Variants in THSD4 observed in about 807,000 individuals in gnomAD.
THSD4 encodes the protein thrombospondin type 1 domain containing 4.
Under a neutral mutation model 119.0 loss-of-function variants are expected in THSD4, and 69 were observed. The ratio of observed to expected loss-of-function variants is 0.58; its 90% CI spans 0.48 to 0.71. THSD4 has a LOEUF of 0.71. THSD4 is among the 30% of genes least tolerant of loss of function. THSD4 has a pLI of 0.00. For missense variants in THSD4, 1,393 were observed against 1,391.1 expected (o/e 1.00, Z -0.02); for synonymous variants, 524 against 540.4 (o/e 0.97, Z 0.42).
chr15:71,470,019 G>C (rs546640220), intron 7 of THSD4, among the ~76,000 whole-genome samples: 2 of 152,318 alleles, frequency 1.3e-5, no homozygotes, highest in Non-Finnish European at 2.9e-5. Context: ...TATGGAGGTA[G>C]AGATGAAGGC....
At chr15:71,402,642 A>AG (rs2046552493) in intron 6 of THSD4, among the ~76,000 whole-genome samples, 1 of 152,200 alleles carries the variant, frequency 6.6e-6, no homozygotes, top group African/African-American at 2.4e-5. Flanking sequence ...TTTGTACCAG[A>AG]GGACCAGTTG....
chr15:71,128,412 A>C (rs1478171569), intron 1 of THSD4, among the ~76,000 whole-genome samples: 2 of 151,916 alleles, frequency 1.3e-5, no homozygotes, highest in Non-Finnish European at 2.9e-5. Context: ...CTGTAATCCC[A>C]GCTACTTGGA....
At chr15:71,132,207 A>G (rs2040510109) in intron 1 of THSD4, among the ~76,000 whole-genome samples, 1 of 152,214 alleles carries the variant, frequency 6.6e-6, no homozygotes, top group African/African-American at 2.4e-5. Context: ...TTTTGGCTTA[A>G]TGATTTCATT....
intron 3 of THSD4, among the ~76,000 whole-genome samples, chr15:71,189,991 T>G (rs1018533589): frequency 2.0e-5 from 3 of 152,326 alleles, no homozygotes; most frequent in South Asian, 4.1e-4. Context: ...GGACTCTGCA[T>G]GCTCAGATGG....
intron 14 of THSD4, among the ~76,000 whole-genome samples, chr15:71,752,891 G>A (rs181998177): frequency 6.7e-4 from 102 of 152,280 alleles, no homozygotes; most frequent in African/African-American, 2.4e-3. Flanking sequence ...TTGAATAGTT[G>A]CTTTGTGTAG....
At chr15:71,408,223 A>G (rs149893003) in intron 6 of THSD4, among the ~76,000 whole-genome samples, 2 of 152,062 alleles carry the variant, frequency 1.3e-5, no homozygotes, top group African/African-American at 4.8e-5. Flanking sequence ...GAAACCCTTC[A>G]AAGGTTGTTG....
chr15:71,700,422 G>T (rs2052261807), intron 8 of THSD4, among the ~76,000 whole-genome samples: 2 of 151,954 alleles, frequency 1.3e-5, no homozygotes, highest in Admixed American at 1.3e-4. Flanking sequence ...TTTACTAAAG[G>T]GCATAAAATT....
At chr15:71,422,008 G>C (rs375830292) in intron 7 of THSD4, among the ~76,000 whole-genome samples, 1 of 152,082 alleles carries the variant, frequency 6.6e-6, no homozygotes, top group Non-Finnish European at 1.5e-5. Context: ...TAGAAATTCT[G>C]CTTGATTCTT....
chr15:71,544,449 A>G (rs1471781829), intron 7 of THSD4, among the ~76,000 whole-genome samples: 4 of 152,240 alleles, frequency 2.6e-5, no homozygotes, highest in Non-Finnish European at 4.4e-5. Flanking sequence ...TGGTTCAAAC[A>G]GGAGGACATA....
At chr15:71,701,483 T>C (rs1432094952) in intron 8 of THSD4, among the ~76,000 whole-genome samples, 1 of 152,200 alleles carries the variant, frequency 6.6e-6, no homozygotes, top group African/African-American at 2.4e-5. Flanking sequence ...CAAAGACCTT[T>C]ATAAGAATGT....
intron 1 of THSD4, among the ~76,000 whole-genome samples, chr15:71,138,867 T>A (rs752647389): frequency 6.0e-5 from 9 of 150,302 alleles, no homozygotes; most frequent in Non-Finnish European, 8.8e-5. Context: ...TCTTGGTGTG[T>A]GTGTGTGTGA....
chr15:71,528,155 C>A (rs957220418), intron 7 of THSD4, among the ~76,000 whole-genome samples: 1 of 152,118 alleles, frequency 6.6e-6, no homozygotes, highest in East Asian at 1.9e-4. Context: ...TATTGAAAAC[C>A]ACAAAAGTTG....
rs564057010 is a variant in THSD4, at chr15:71,297,134, A to T, written c.1015+40419A>T. ...CATTTCCTTCACATCCTTGTTATTT[A>T]TTTTTTTTTAATTATATCCATCCTA... On this transcript the variant is annotated intron_variant, in intron 6 of 17. Coordinates refer to ENST00000261862, the MANE Select transcript of THSD4 (RefSeq NM_024817.3). Among the ~76,000 whole-genome samples, 79 of 150,684 alleles carry T rather than the reference A, an allele frequency of 5.2e-4. 1 individual carries two copies. In the East Asian group the frequency reaches 8.4e-3, roughly 16 times the overall value.
At chr15:71,540,515 A>G (rs1180544340) in intron 7 of THSD4, among the ~76,000 whole-genome samples, 4 of 136,344 alleles carry the variant, frequency 2.9e-5, no homozygotes, top group East Asian at 2.2e-4. Context: ...TGCAACCTCT[A>G]ACTCCTGGGT....
chr15:71,703,974 C>G (rs960802094), intron 8 of THSD4, among the ~76,000 whole-genome samples: 15 of 152,198 alleles, frequency 9.9e-5, no homozygotes, highest in African/African-American at 3.6e-4. Flanking sequence ...CTCAGCCTCC[C>G]GAGTAGCTGG....
chr15:71,512,140 A>G (rs2048292601), intron 7 of THSD4, among the ~76,000 whole-genome samples: 1 of 152,164 alleles, frequency 6.6e-6, no homozygotes, highest in Non-Finnish European at 1.5e-5. Flanking sequence ...CACATGGCAA[A>G]TTCTATGCCT....
upstream of THSD4, among the ~76,000 whole-genome samples, chr15:71,114,730 A>G (rs1039300024): frequency 1.3e-5 from 2 of 152,228 alleles, no homozygotes; most frequent in African/African-American, 2.4e-5. Context: ...ACTAATGAGA[A>G]GAATTATTAT....
chr15:71,385,030 A>G (rs1456695560), intron 6 of THSD4, among the ~76,000 whole-genome samples: 1 of 152,214 alleles, frequency 6.6e-6, no homozygotes, highest in Non-Finnish European at 1.5e-5. Flanking sequence ...CACCCCCTTC[A>G]GTAATTGCCA....
intron 3 of THSD4, among the ~76,000 whole-genome samples, chr15:71,193,306 C>T (rs1314333998): frequency 6.6e-6 from 1 of 152,120 alleles, no homozygotes; most frequent in East Asian, 1.9e-4. Context: ...GTGGTAGAGA[C>T]GTGGGCCATA....
Sources: allele counts gnomAD v4.1 joint callset (sites outside exome capture counted in the v4.1 genomes callset), GRCh38; gene constraint gnomAD v4.1.1; transcripts MANE v1.5; gene names NCBI Gene and HGNC (gene_info 2026-07-23, HGNC 2026-07-21).